ASPM: variants seen among roughly 807,000 people sequenced by gnomAD.
The protein encoded by ASPM is abnormal spindle-like microcephaly-associated protein.
In ASPM, 256 loss-of-function variants were observed where a neutral mutation model predicts 366.4. The observed-to-expected ratio is 0.70, with a 90% CI of 0.63 to 0.77. The LOEUF (loss-of-function observed/expected upper bound fraction) is 0.77, where lower values mean the gene tolerates loss of function less well. ASPM is among the 30% of genes least tolerant of loss of function. ASPM has a pLI of 0.00. For synonymous variants in ASPM, 1,414 were observed against 1,342.9 expected (o/e 1.05, Z -1.16); for missense variants, 4,146 against 4,090.4 (o/e 1.01, Z -0.37).
At position 197,124,119 on chromosome 1, in the gene ASPM, A is replaced by G; in HGVS notation, c.3381T>C (p.Tyr1127=). 1.2e-6 allele frequency: 2 copies of G among 1,608,272 alleles called. No homozygotes were observed. Among genetic ancestry groups the G allele is most frequent in the Non-Finnish European group, 1.7e-6 (2 of 1,175,700 alleles). ...AAACAAAGAAACTTACCTTTTTATTATAGAAGGCACAAACAGCATTTACCC... is the reference window on the plus strand; with the variant it reads ...AAACAAAGAAACTTACCTTTTTATTGTAGAAGGCACAAACAGCATTTACCC... ...MDWVNAVCAF[Y]NKKVENFTVS... is the part of the protein sequence containing the mutation. Residue 1127 remains tyrosine (Y), a synonymous_variant, in exon 13 of 28, where the codon TAT becomes TAC. Transcript: ENST00000367409.
At chr1:197,091,246 G>A (rs369793277) in intron 22 of ASPM, among the ~76,000 whole-genome samples, 1 of 142,998 alleles carries the variant, frequency 7.0e-6, no homozygotes, top group Admixed American at 7.1e-5. Flanking sequence ...GTGTGTGTGT[G>A]CACACACATG....
intron 4 of ASPM, chr1:197,138,631 A>C: frequency 2.1e-6 from 1 of 484,152 alleles, no homozygotes; most frequent in East Asian, 4.3e-5. Context: ...AAAATATACA[A>C]TAAGCAAGCC....
At chr1:197,095,766 A>ACG (rs72515448) in intron 19 of ASPM, among the ~76,000 whole-genome samples, 13 of 48,378 alleles carry the variant, frequency 2.7e-4, no homozygotes, top group Admixed American at 1.9e-3. Flanking sequence ...AATCAAGTAT[A>ACG]TAATATTTTT....
chr1:197,111,858 A>G (rs1657596343), intron 17 of ASPM, among the ~76,000 whole-genome samples: 1 of 152,164 alleles, frequency 6.6e-6, no homozygotes, highest in African/African-American at 2.4e-5. Context: ...AAAAGTCAAA[A>G]AGTCAGATGC....
intron 10 of ASPM, among the ~76,000 whole-genome samples, chr1:197,128,113 G>A (rs760602451): frequency 2.0e-5 from 3 of 151,446 alleles, no homozygotes; most frequent in Non-Finnish European, 4.4e-5. Context: ...GCAGTGAGCC[G>A]AGACCTTGCC....
chr1:197,105,492 T>C (rs926309935), intron 17 of ASPM, among the ~76,000 whole-genome samples: 2 of 151,980 alleles, frequency 1.3e-5, no homozygotes, highest in Non-Finnish European at 2.9e-5. Context: ...AATAAAACTA[T>C]AGTAATATTC....
At chr1:197,131,827 C>T (rs1477196309) in intron 7 of ASPM, among the ~76,000 whole-genome samples, 1 of 150,494 alleles carries the variant, frequency 6.6e-6, no homozygotes, top group Non-Finnish European at 1.5e-5. Flanking sequence ...CCAAAGTGCT[C>T]GGATTACAGC....
Position 197,143,178 on chromosome 1 carries a change from T to G in ASPM, c.1074A>C (p.Ala358=), listed in dbSNP as rs555429417. The G allele has an allele frequency of 1.2e-6, 2 of 1,613,592 alleles. No homozygotes were observed. Among genetic ancestry groups the G allele is most frequent in the South Asian group, 2.2e-5 (2 of 91,034 alleles). Residue 358 remains alanine (A), a synonymous_variant, in exon 3 of 28, where the codon GCA becomes GCC. Coordinates refer to ENST00000367409, the MANE Select transcript of ASPM (RefSeq NM_018136.5). ...TTAAAATTTTCTGATAAATTTCATG[T>G]GCAATTGTTGATTCCAAATGCACAG... The part of the protein sequence containing the change: ...SQPVHLESTI[A]HEIYQKILSP...
Position 197,143,546 on chromosome 1 carries a change from A to G in ASPM, c.706T>C (p.Cys236Arg). ...GATCGACGTACAGAGAGTGGCAAGC[A>G]AGTTGCACCATGGCATTCATTGAAA... is the stretch of plus-strand genomic sequence containing the variant. ...PAFNECHGAT[C>R]LPLSVRRSTT... The change falls in exon 3 of 28, where the codon TGC becomes CGC. Residue 236 changes from cysteine (C) to arginine (R), a missense_variant. By Grantham distance (180) the Cys-to-Arg change is radical. Around this residue, in one of 3 missense-constraint regions of ASPM, gnomAD observed 512 missense variants for 471.7 expected, o/e 1.09. Coordinates refer to ENST00000367409, the MANE Select transcript of ASPM (RefSeq NM_018136.5). The G allele has an allele frequency of 6.2e-7, 1 of 1,613,772 alleles. No individual in the cohort carries two copies. The highest frequency in any genetic ancestry group is 1.3e-5 in the African/African-American group (1 of 74,922).
chr1:197,142,397 T>C lies in ASPM; in HGVS notation c.1855A>G (p.Asn619Asp). Residue 619 changes from asparagine to aspartate, a missense_variant, in exon 3 of 28, where the codon AAT (asparagine) becomes GAT (aspartate). By Grantham distance (23) the Asn-to-Asp change is conservative (BLOSUM62 1). Transcript: ENST00000367409. ...CGTTTTGAGATGGGTGTTGTCACAT[T>C]TTTTGTTTTCTTAACAGCTGATGTT... ...PKTSAVKKTKNVTTPISKRIS... is the reference protein window; with the variant it reads ...PKTSAVKKTKDVTTPISKRIS... The C allele has an allele frequency of 6.2e-7, 1 of 1,613,916 alleles. No homozygotes were observed. Among genetic ancestry groups the C allele is most frequent in the Non-Finnish European group, 8.5e-7 (1 of 1,179,824 alleles).
At position 197,143,360 on chromosome 1, in the gene ASPM, G is replaced by C; in HGVS notation, c.892C>G (p.Leu298Val). The C allele has an allele frequency of 6.2e-7, 1 of 1,613,910 alleles. No individual in the cohort carries two copies. Among genetic ancestry groups the C allele is most frequent in the Non-Finnish European group, 8.5e-7 (1 of 1,179,764 alleles). ...GQRGENSKLS[L>V]TPNCSSTLNI... ...AAAGTTGAAGAACAGTTGGGGGTAA[G>C]ACTAAGTTTACTATTCTCTCCTCTT... Residue 298 changes from leucine (L) to valine (V), a missense_variant, in exon 3 of 28, where the codon CTT (leucine) becomes GTT (valine). By Grantham distance (32) the Leu-to-Val change is conservative. This residue lies in a region of ASPM where 512 missense variants were observed against 471.7 expected (regional missense o/e 1.09). Coordinates refer to ENST00000367409, the MANE Select transcript of ASPM (RefSeq NM_018136.5).
At chr1:197,132,865 T>C (rs970417499) in intron 6 of ASPM, among the ~76,000 whole-genome samples, 1 of 151,966 alleles carries the variant, frequency 6.6e-6, no homozygotes, top group Non-Finnish European at 1.5e-5. Flanking sequence ...CAAACTGAAA[T>C]AGCCTAAGCA....
intron 10 of ASPM, 44 bp downstream of exon 10, chr1:197,128,446 T>C: frequency 1.3e-6 from 2 of 1,549,128 alleles, no homozygotes; most frequent in Non-Finnish European, 1.8e-6. Flanking sequence ...CAGAAAATGT[T>C]AGTCTATTCC....
In ASPM at chr1:197,090,889, T is replaced by C. The variant is rs1213868814; in HGVS notation, c.9597A>G (p.Lys3199=). 2.1e-5 allele frequency: 34 copies of C among 1,613,200 alleles called. No individual in the cohort carries two copies. Among genetic ancestry groups the C allele is most frequent in the Non-Finnish European group, 2.7e-5 (32 of 1,179,564 alleles). The part of the protein sequence containing the change: ...QKAVRHFLLR[K]KQEKFTSGII... ...TTCCACTAGTGAATTTTTCCTGCTT[T>C]TTACGGAGGAGAAAATGGCGCACTG... Residue 3199 remains lysine (K), a synonymous_variant, in exon 23 of 28, where the codon AAA becomes AAG. Coordinates refer to ENST00000367409, the MANE Select transcript of ASPM (RefSeq NM_018136.5).
chr1:197,139,812 C>T lies in ASPM; in HGVS notation c.1981G>A (p.Ala661Thr), dbSNP rs1316934887. 8.7e-6 allele frequency: 14 copies of T among 1,612,164 alleles called. No individual in the cohort carries two copies. Among genetic ancestry groups the T allele is most frequent in the East Asian group, 4.5e-5 (2 of 44,810 alleles). ...KTNKRTKPIIAVAQSSLTFIK... is the reference protein window; with the variant it reads ...KTNKRTKPIITVAQSSLTFIK... ...AAGGTCAAACTGGACTGTGCCACAG[C>T]GATAATGGGTTTTGTCCTTTTGTTT... The change falls in exon 4 of 28, where the codon GCT becomes ACT. Residue 661 changes from alanine to threonine, a missense_variant. Ala to Thr is a moderately conservative substitution (Grantham distance 58, BLOSUM62 0). Transcript: ENST00000367409.
Position 197,129,288 on chromosome 1 carries a change from A to C in ASPM, c.2659T>G (p.Leu887Val). ...GHEEALSKFT[L>V]KKLLLLVCFL... ...CAGACCAACAACAATAACTTTTTCA[A>C]TGTAAACTTGGACAAAGCTTCTTCA... is the stretch of plus-strand genomic sequence containing the variant. The change falls in exon 9 of 28, where the codon TTG (leucine) becomes GTG (valine). Residue 887 changes from leucine to valine, a missense_variant. Leu to Val is a conservative substitution (Grantham distance 32, BLOSUM62 1). Transcript: ENST00000367409. 1.9e-6 allele frequency: 3 copies of C among 1,613,220 alleles called. No individual in the cohort carries two copies. Among genetic ancestry groups the C allele is most frequent in the Non-Finnish European group, 2.5e-6 (3 of 1,179,358 alleles).
At chr1:197,127,227 C>T (rs1336013881) in intron 10 of ASPM, among the ~76,000 whole-genome samples, 3 of 152,146 alleles carry the variant, frequency 2.0e-5, no homozygotes, top group Admixed American at 2.0e-4. Context: ...TAGCTTCTTT[C>T]CTATTCAGTT....
Position 197,135,211 on chromosome 1 carries a change from T to C in ASPM, c.2058A>G (p.Ala686=), listed in dbSNP as rs761242935. 1.9e-6 allele frequency: 3 copies of C among 1,613,962 alleles called. No individual in the cohort carries two copies. Among genetic ancestry groups the C allele is most frequent in the Admixed American group, 3.3e-5 (2 of 60,006 alleles). ...AGCGTTCATCATAAAACATGTTTTT[T>C]GCAGCAAATGGCATCGGGTGTCTGG... is the stretch of plus-strand genomic sequence containing the variant. ...DIPRHPMPFA[A]KNMFYDERWK... The change falls in exon 5 of 28, where the codon GCA becomes GCG. Residue 686 remains alanine, a synonymous_variant. Transcript: ENST00000367409.
At chr1:197,105,558 T>C (rs1433283773) in intron 17 of ASPM, among the ~76,000 whole-genome samples, 5 of 151,994 alleles carry the variant, frequency 3.3e-5, no homozygotes, top group Non-Finnish European at 7.4e-5. Context: ...GGGCCTTATA[T>C]GGTCCCCTTA....
Sources: allele counts gnomAD v4.1 joint callset (sites outside exome capture counted in the v4.1 genomes callset), GRCh38; gene constraint gnomAD v4.1.1; regional missense constraint gnomAD v4.1.1; transcripts MANE v1.5; gene names NCBI Gene and HGNC (gene_info 2026-07-23, HGNC 2026-07-21).